The following PIK3C2G variants were observed in gnomAD, a reference collection of about 807,000 sequenced individuals.
The protein encoded by PIK3C2G is phosphatidylinositol-4-phosphate 3-kinase catalytic subunit type 2 gamma.
PIK3C2G carries 168 observed loss-of-function variants against 181.1 expected under a neutral mutation model. The observed-to-expected ratio is 0.93, with a 90% confidence interval of 0.82 to 1.05. The LOEUF (loss-of-function observed/expected upper bound fraction) is 1.05, where lower values mean the gene tolerates loss of function less well. Ranked by LOEUF, PIK3C2G falls within the 50% of genes least tolerant of loss-of-function variation. The pLI, the probability that PIK3C2G is intolerant of heterozygous loss-of-function variation, is 0.00. For missense variants in PIK3C2G, 1,869 were observed against 1,732.8 expected (o/e 1.08, Z -1.40); for synonymous variants, 573 against 592.2 (o/e 0.97, Z 0.47).
At chr12:18,371,750 T>A (rs1942078025) in intron 13 of PIK3C2G, among the ~76,000 whole-genome samples, 1 of 152,168 alleles carries the variant, frequency 6.6e-6, no homozygotes, top group South Asian at 2.1e-4. Flanking sequence ...TAAGGTGATA[T>A]TTTCCAGAAA....
downstream of PIK3C2G, among the ~76,000 whole-genome samples, chr12:18,650,698 GTGTGTGTATATATC>G (rs1565602413): frequency 0.022 from 637 of 28,920 alleles, 13 homozygotes; most frequent in South Asian, 0.032. Flanking sequence ...GTGTGTGTGT[GTGTGTGTATATATC>G]TATATATATA....
intron 18 of PIK3C2G, among the ~76,000 whole-genome samples, chr12:18,470,365 G>C (rs184552349): frequency 2.6e-5 from 4 of 152,078 alleles, no homozygotes; most frequent in Admixed American, 6.6e-5. Context: ...TCTAATACTT[G>C]GTCAGAGAGC....
chr12:18,620,640 C>T (rs1217148895), intron 31 of PIK3C2G, among the ~76,000 whole-genome samples: 1 of 152,016 alleles, frequency 6.6e-6, no homozygotes, highest in Non-Finnish European at 1.5e-5. Context: ...TCATCCATAA[C>T]TCTTTAAACT....
intron 2 of PIK3C2G, among the ~76,000 whole-genome samples, chr12:18,286,284 A>G (rs1402785211): frequency 6.6e-6 from 1 of 152,046 alleles, no homozygotes; most frequent in Non-Finnish European, 1.5e-5. Context: ...CATTCACATA[A>G]TTACTTGTAT....
intron 19 of PIK3C2G, among the ~76,000 whole-genome samples, chr12:18,491,128 T>C (rs183726687): frequency 1.1e-3 from 164 of 152,316 alleles, no homozygotes; most frequent in Admixed American, 3.9e-3. Context: ...GTTTCCAAAT[T>C]GGCGGCCACG....
intron 26 of PIK3C2G, among the ~76,000 whole-genome samples, chr12:18,547,920 G>C (rs1944517236): frequency 6.6e-6 from 1 of 151,964 alleles, no homozygotes; most frequent in South Asian, 2.1e-4. Flanking sequence ...AACTAATGGG[G>C]ATGGGTGCCT....
At chr12:18,543,125 A>G (rs1944249151) in intron 25 of PIK3C2G, among the ~76,000 whole-genome samples, 1 of 149,000 alleles carries the variant, frequency 6.7e-6, no homozygotes, top group Non-Finnish European at 1.5e-5. Context: ...TTTGATTTGC[A>G]TTTCTCTAGT....
the PIK3C2G span, among the ~76,000 whole-genome samples, chr12:18,659,190 T>C: frequency 6.6e-6 from 1 of 152,234 alleles, no homozygotes; most frequent in African/African-American, 2.4e-5. Context: ...TATATAAAGG[T>C]ACTCAAAAAC....
intron 16 of PIK3C2G, among the ~76,000 whole-genome samples, chr12:18,415,126 A>G (rs1286681402): frequency 6.6e-6 from 1 of 152,246 alleles, no homozygotes; most frequent in Non-Finnish European, 1.5e-5. Flanking sequence ...AAATGCAGGC[A>G]TACCTTACTT....
At chr12:18,693,920 G>A in the PIK3C2G span, 6 of 1,526,938 alleles carry the variant, frequency 3.9e-6, no homozygotes, top group African/African-American at 4.1e-5. Context: ...AACCCTGCAC[G>A]ACTTGATCAT....
chr12:18,504,001 C>T (rs1044656170), intron 23 of PIK3C2G, among the ~76,000 whole-genome samples: 4 of 152,108 alleles, frequency 2.6e-5, no homozygotes, highest in Non-Finnish European at 5.9e-5. Context: ...AGTCCTTGGT[C>T]CACTTGCCAA....
rs1159247286 is a variant in PIK3C2G, at chr12:18,648,168, G to A, written c.*140G>A. 2.2e-5 allele frequency: 9 copies of A among 414,712 alleles called. No homozygotes were observed. Among genetic ancestry groups the A allele is most frequent in the Non-Finnish European group, 3.8e-5 (9 of 238,360 alleles). 25.7% of individuals were successfully genotyped at this position (414,712 alleles called of 1,614,324 possible). ...GGACACAGAAAAAAAATCAGAATTAGTCTTTTGTGTTGTTTATTTTCTACC... is the reference window on the plus strand; with the variant it reads ...GGACACAGAAAAAAAATCAGAATTAATCTTTTGTGTTGTTTATTTTCTACC... On this transcript the variant is annotated 3_prime_UTR_variant, in exon 33 of 33. Coordinates refer to ENST00000538779, the MANE Select transcript of PIK3C2G (RefSeq NM_001288772.2).
intron 26 of PIK3C2G, among the ~76,000 whole-genome samples, chr12:18,556,950 A>T (rs1269819803): frequency 6.6e-6 from 1 of 152,184 alleles, no homozygotes; most frequent in Non-Finnish European, 1.5e-5. Flanking sequence ...TTGAATCTTT[A>T]TGAAATTGAA....
intron 11 of PIK3C2G, among the ~76,000 whole-genome samples, chr12:18,352,294 T>C (rs1940292727): frequency 6.6e-6 from 1 of 152,254 alleles, no homozygotes; most frequent in African/African-American, 2.4e-5. Flanking sequence ...GTGTACTTCA[T>C]CCTTAACTGG....
chr12:18,593,820 A>G (rs953324719), intron 29 of PIK3C2G, among the ~76,000 whole-genome samples: 3 of 151,918 alleles, frequency 2.0e-5, no homozygotes, highest in Non-Finnish European at 2.9e-5. Context: ...TGAAATTTTT[A>G]TTAAAGTAAT....
intron 5 of PIK3C2G, among the ~76,000 whole-genome samples, chr12:18,294,236 G>T (rs1417774742): frequency 6.6e-6 from 1 of 151,970 alleles, no homozygotes; most frequent in Non-Finnish European, 1.5e-5. Flanking sequence ...ATATTTAAAT[G>T]ACCTGTGACT....
intron 15 of PIK3C2G, among the ~76,000 whole-genome samples, chr12:18,399,223 T>C (rs562726230): frequency 1.3e-5 from 2 of 151,024 alleles, no homozygotes; most frequent in Non-Finnish European, 3.0e-5. Context: ...TGCCATTTTT[T>C]CACAGGCCCA....
intron 5 of PIK3C2G, among the ~76,000 whole-genome samples, chr12:18,305,036 T>G (rs1243611771): frequency 6.6e-6 from 1 of 152,212 alleles, no homozygotes; most frequent in African/African-American, 2.4e-5. Flanking sequence ...CAATTAGAGT[T>G]TCTTGAATGA....
chr12:18,382,960 G>A (rs530362919), intron 14 of PIK3C2G, among the ~76,000 whole-genome samples: 44 of 152,184 alleles, frequency 2.9e-4, no homozygotes, highest in African/African-American at 1.0e-3. Context: ...TCGACCACGT[G>A]ACACCTAAAG....
Sources: allele counts gnomAD v4.1 joint callset (sites outside exome capture counted in the v4.1 genomes callset), GRCh38; gene constraint gnomAD v4.1.1; transcripts MANE v1.5; gene names NCBI Gene and HGNC (gene_info 2026-07-23, HGNC 2026-07-21).